FRY: variants seen among roughly 807,000 people sequenced by gnomAD.
The protein encoded by FRY is protein furry homolog.
A neutral mutation model predicts 348.4 loss-of-function variants in FRY; 128 were observed. The ratio of observed to expected loss-of-function variants is 0.37; its 90% CI spans 0.32 to 0.43. FRY has a LOEUF of 0.43. Ranked by LOEUF, FRY falls within the 20% of genes least tolerant of loss-of-function variation. The pLI is 1.00. For missense variants in FRY, 2,736 were observed against 3,695.2 expected (o/e 0.74, Z 6.73); for synonymous variants, 1,370 against 1,374.7 (o/e 1.00, Z 0.08).
At position 32,237,487 on chromosome 13, in the gene FRY, C is replaced by T. The variant is rs1297444230; in HGVS notation, c.5919C>T (p.Ala1973=). The T allele has an allele frequency of 6.2e-6, 10 of 1,613,992 alleles. No homozygotes were observed. The highest frequency in any genetic ancestry group is 1.7e-5 in the Admixed American group (1 of 59,992). Residue 1973 remains alanine (A), a synonymous_variant, in exon 44 of 61, where the codon GCC becomes GCT. Transcript: ENST00000542859. This position sits in a 1 kb window ranked among gnomAD's most constrained non-coding sequence, Gnocchi z 6.3. ...PGTTSGNTAT[A]ERSRHQRSFS... ...CCACCAGCGGCAACACCGCAACTGC[C>T]GAACGGAGCCGGCATCAACGAAGCT... is the stretch of plus-strand genomic sequence containing the variant.
Position 32,295,418 on chromosome 13 carries a change from T to C in FRY, c.9000T>C (p.Thr3000=). 1 of 1,612,394 alleles carries C rather than the reference T, an allele frequency of 6.2e-7. No individual in the cohort carries two copies. ...IRRAQSYRVL[T]TFLPDSSVSG... Reference sequence around the variant, plus strand: ...GGGCCCAGAGTTACCGAGTCCTCACTACTTTTCTTCCAGACTCCAGTGTTT... The same window carrying C: ...GGGCCCAGAGTTACCGAGTCCTCACCACTTTTCTTCCAGACTCCAGTGTTT... Residue 3000 remains threonine (T), a synonymous_variant, in exon 61 of 61, where the codon ACT becomes ACC. Coordinates refer to ENST00000542859, the MANE Select transcript of FRY (RefSeq NM_023037.3).
rs767814029 is a variant in FRY, at chr13:32,171,123, C to T, written c.2004C>T (p.Asn668=). 28 of 1,613,714 alleles carry T rather than the reference C, an allele frequency of 1.7e-5. 1 individual carries two copies. Among genetic ancestry groups the T allele is most frequent in the African/African-American group, 4.0e-5 (3 of 74,886 alleles). The change falls in exon 18 of 61, where the codon AAC becomes AAT. Residue 668 remains asparagine, a synonymous_variant. Coordinates refer to ENST00000542859, the MANE Select transcript of FRY (RefSeq NM_023037.3). ...AAGATGTACTATTTGGCTTTACCAA[C>T]TTCCTGCTCCGGGAAGTAAATGATA... ...WREDVLFGFT[N]FLLREVNDMH...
chr13:32,085,784 A>T lies in FRY; in HGVS notation c.270+6751A>T, dbSNP rs563610915. Reference sequence around the variant, plus strand: ...AACATAATGGAGGCTTGAGCAGGGGACTTGACTGTCTCCTGTTGCCATTTA... The same window carrying T: ...AACATAATGGAGGCTTGAGCAGGGGTCTTGACTGTCTCCTGTTGCCATTTA... On this transcript the variant is annotated intron_variant, in intron 2 of 60. Transcript: ENST00000542859. 7 of 481,804 alleles carry T rather than the reference A, an allele frequency of 1.5e-5. No individual in the cohort carries two copies. In the East Asian group the frequency reaches 3.4e-4, roughly 23 times the overall value. The allele number at this position is 481,804 out of a possible 1,614,324, so 29.8% of individuals were successfully genotyped here. A position where few individuals can be genotyped will look rare whatever the true frequency, so the allele number is the denominator to read the frequency against.
chr13:32,229,944 T>A lies in FRY; in HGVS notation c.5406-1235T>A, dbSNP rs150666448. Among the ~76,000 whole-genome samples, 638 of 152,344 alleles carry A rather than the reference T, an allele frequency of 4.2e-3. 5 individuals are homozygous for A. The highest frequency in any genetic ancestry group is 0.031 in the South Asian group (149 of 4,820). ...GGAGGTTTTAATTTTGTAAATGAAT[T>A]TAATTTAAAACATTTTAAAATGACT... On this transcript the variant is annotated intron_variant, in intron 40 of 60. Coordinates refer to ENST00000542859, the MANE Select transcript of FRY (RefSeq NM_023037.3).
At position 32,182,034 on chromosome 13, in the gene FRY, A is replaced by G. The variant is rs374384286; in HGVS notation, c.2997-943A>G. Among the ~76,000 whole-genome samples the G allele has an allele frequency of 4.3e-4, 65 of 152,328 alleles. 1 individual carries two copies. The East Asian group carries it at 6.4e-3, about 15-fold the overall frequency. ...GAACCCAGGCTTTCTGTCTCTCGAT[A>G]TGGAATGTCATAGAGTTTATCTTCC... On this transcript the variant is annotated intron_variant, in intron 23 of 60. Coordinates refer to ENST00000542859, the MANE Select transcript of FRY (RefSeq NM_023037.3).
intron 20 of FRY, 98 bp downstream of exon 20, chr13:32,175,730 G>A: frequency 1.3e-6 from 1 of 763,322 alleles, no homozygotes; most frequent in Non-Finnish European, 2.4e-6. Flanking sequence ...GGGTGTTTAT[G>A]TCAGATTAAT....
intron 59 of FRY, among the ~76,000 whole-genome samples, chr13:32,290,075 G>A (rs117325636): frequency 0.01 from 1,596 of 152,218 alleles, 11 homozygotes; most frequent in Non-Finnish European, 0.015. Flanking sequence ...CTTTCCATGT[G>A]TGTGGGTTTT....
intron 20 of FRY, 34 bp downstream of exon 20, chr13:32,175,666 T>A: frequency 8.4e-7 from 1 of 1,192,694 alleles, no homozygotes; most frequent in Non-Finnish European, 1.3e-6. Context: ...TAATGGCTCT[T>A]AAAAGCTCTG....
intron 58 of FRY, among the ~76,000 whole-genome samples, chr13:32,280,504 C>T (rs1888759525): frequency 6.6e-6 from 1 of 152,208 alleles, no homozygotes; most frequent in African/African-American, 2.4e-5. Context: ...GTACTCATGG[C>T]TTGTCTTTCC....
intron 1 of FRY, among the ~76,000 whole-genome samples, chr13:32,067,238 T>C (rs1874314466): frequency 6.6e-6 from 1 of 152,194 alleles, no homozygotes; most frequent in Admixed American, 6.5e-5. Context: ...TACCTATCCT[T>C]TAAGACCTGG....
intron 12 of FRY, 71 bp from the exon 13 acceptor site, chr13:32,147,768 T>C: frequency 1.2e-6 from 1 of 850,366 alleles, no homozygotes; most frequent in Non-Finnish European, 2.1e-6. Flanking sequence ...ATGAAATATC[T>C]GCCATTTTCC....
chr13:32,209,032 G>C lies in FRY; in HGVS notation c.4198G>C (p.Gly1400Arg). The C allele has an allele frequency of 6.2e-7, 1 of 1,614,120 alleles. No individual in the cohort carries two copies. The highest frequency in any genetic ancestry group is 8.5e-7 in the Non-Finnish European group (1 of 1,180,014). The change falls in exon 32 of 61, where the codon GGG becomes CGG. Residue 1400 changes from glycine (G) to arginine (R), a missense_variant. Physicochemically the swap from Gly to Arg is moderately radical, Grantham distance 125. Coordinates refer to ENST00000542859, the MANE Select transcript of FRY (RefSeq NM_023037.3). Reference protein sequence around the residue: ...DREGDVTASHGLRGNGWGSPE... With the variant: ...DREGDVTASHRLRGNGWGSPE... ...GGAAGGTGACGTGACTGCTTCTCAC[G>C]GGCTGAGAGGAAATGGCTGGGGCTC... is the stretch of plus-strand genomic sequence containing the variant.
At chr13:32,232,801 A>G (rs936972114) in intron 41 of FRY, among the ~76,000 whole-genome samples, 2 of 152,262 alleles carry the variant, frequency 1.3e-5, no homozygotes, top group Non-Finnish European at 2.9e-5. Context: ...GTGGCTGGAA[A>G]GAAAAAGAAA....
Position 32,298,930 on chromosome 13 carries a change from G to C in FRY, c.*3470G>C, listed in dbSNP as rs567787110. 1 of 152,258 alleles carries C rather than the reference G, an allele frequency of 6.6e-6. No individual in the cohort carries two copies. The highest frequency in any genetic ancestry group is 1.9e-4 in the East Asian group (1 of 5,180). 9.4% of individuals were successfully genotyped at this position (152,258 alleles called of 1,614,324 possible). A position where few individuals can be genotyped will look rare whatever the true frequency, so the allele number is the denominator to read the frequency against. ...GAAGCCACTGAATGTTTGCGGGCAG[G>C]GTAGTGACATGCTGTGACTTATGTT... On this transcript the variant is annotated 3_prime_UTR_variant, in exon 61 of 61. Transcript: ENST00000542859.
chr13:32,279,989 G>A lies in FRY; in HGVS notation c.8469+1441G>A, dbSNP rs114254924. 7.5e-3 allele frequency among the ~76,000 whole-genome samples: 1,138 copies of A among 152,328 alleles called. 11 individuals are homozygous for A. Among genetic ancestry groups the A allele is most frequent in the African/African-American group, 0.026 (1,081 of 41,574 alleles). On this transcript the variant is annotated intron_variant, in intron 58 of 60. Transcript: ENST00000542859. Reference sequence around the variant, plus strand: ...TAAAGAGGGCATTGAAGTAGAGGTTGCATTTCCACATTGCTGCCCTTCTTG... The same window carrying A: ...TAAAGAGGGCATTGAAGTAGAGGTTACATTTCCACATTGCTGCCCTTCTTG...
intron 2 of FRY, among the ~76,000 whole-genome samples, chr13:32,092,891 A>G (rs1876421812): frequency 6.6e-6 from 1 of 152,230 alleles, no homozygotes; most frequent in Non-Finnish European, 1.5e-5. Context: ...ATAAGTTTTG[A>G]GAGTATCTTA....
At chr13:32,166,046 C>T (rs149182462) in intron 17 of FRY, among the ~76,000 whole-genome samples, 114 of 152,308 alleles carry the variant, frequency 7.5e-4, no homozygotes, top group Non-Finnish European at 1.3e-3. Flanking sequence ...CGCTTTCTGA[C>T]GTGAGCAGTG....
chr13:32,250,022 T>C (rs1168898214), intron 49 of FRY, among the ~76,000 whole-genome samples: 1 of 152,156 alleles, frequency 6.6e-6, no homozygotes, highest in Non-Finnish European at 1.5e-5. Flanking sequence ...AACACATCCT[T>C]AGTTCTCCCA....
chr13:32,074,676 A>T (rs148069382), intron 1 of FRY, among the ~76,000 whole-genome samples: 2,880 of 152,370 alleles, frequency 0.019, 24 homozygotes, highest in Non-Finnish European at 0.031. Flanking sequence ...AACAGATTTT[A>T]AAAAAGTCAT....
Sources: gnomAD v4.1 joint callset for allele counts (sites outside exome capture counted in the v4.1 genomes callset) on GRCh38, gnomAD v4.1.1 for gene constraint, Gnocchi (gnomAD v3.1) non-coding constraint, MANE v1.5 for transcripts, NCBI Gene and HGNC (gene_info 2026-07-23, HGNC 2026-07-21) for gene names.